Variants in CPA6 observed in about 807,000 individuals in gnomAD.
CPA6 encodes the protein carboxypeptidase B.
CPA6 carries 58 observed loss-of-function variants against 63.3 expected under a neutral mutation model. The ratio of observed to expected loss-of-function variants is 0.92; its 90% CI spans 0.74 to 1.14. The LOEUF is 1.14. Ranked by LOEUF, CPA6 falls within the 50% of genes most tolerant of loss-of-function variation. The pLI, the probability that CPA6 is intolerant of heterozygous loss-of-function variation, is 0.00. For synonymous variants in CPA6, 185 were observed against 179.0 expected (o/e 1.03, Z -0.27); for missense variants, 565 against 526.6 (o/e 1.07, Z -0.71).
intron 8 of CPA6, among the ~76,000 whole-genome samples, chr8:67,472,551 G>A (rs551375055): frequency 4.6e-5 from 7 of 151,786 alleles, no homozygotes; most frequent in African/African-American, 7.2e-5. Flanking sequence ...TCAGCCTTCC[G>A]AGTAGCTGGG....
chr8:67,533,532 C>T (rs940071128), intron 2 of CPA6, among the ~76,000 whole-genome samples: 1 of 152,192 alleles, frequency 6.6e-6, no homozygotes, highest in Non-Finnish European at 1.5e-5. Flanking sequence ...ATCAGCTGTC[C>T]TATCATCTCC....
At chr8:67,697,644 A>G (rs1194495007) in intron 1 of CPA6, among the ~76,000 whole-genome samples, 3 of 152,218 alleles carry the variant, frequency 2.0e-5, no homozygotes, top group Non-Finnish European at 4.4e-5. Context: ...AGAGAGAATG[A>G]GATTGCCTTG....
intron 8 of CPA6, chr8:67,483,202 C>G (rs1030813246): frequency 1.3e-5 from 2 of 152,524 alleles, no homozygotes; most frequent in African/African-American, 4.8e-5. Context: ...CCTGACACTT[C>G]CCTCCTTCTT....
intron 1 of CPA6, among the ~76,000 whole-genome samples, chr8:67,721,946 G>T (rs1005908573): frequency 1.3e-5 from 2 of 152,156 alleles, no homozygotes; most frequent in African/African-American, 4.8e-5. Context: ...CCGAGTTTCG[G>T]CCAGTCAATG....
chr8:67,583,714 C>G (rs1289234096), intron 2 of CPA6, among the ~76,000 whole-genome samples: 1 of 152,086 alleles, frequency 6.6e-6, no homozygotes, highest in Non-Finnish European at 1.5e-5. Flanking sequence ...GGCGAAGATG[C>G]TAGCGATTGT....
intron 6 of CPA6, among the ~76,000 whole-genome samples, chr8:67,501,582 G>A (rs1039519033): frequency 6.6e-6 from 1 of 152,036 alleles, no homozygotes; most frequent in Non-Finnish European, 1.5e-5. Context: ...ATTAAACTGG[G>A]ATTGCATCCC....
chr8:67,552,774 C>CAAAAAAAAAAAAAAAA (rs762395117), intron 2 of CPA6, among the ~76,000 whole-genome samples: 66 of 20,906 alleles, frequency 3.2e-3, no homozygotes, highest in East Asian at 4.7e-3. Flanking sequence ...AAGACTGTCT[C>CAAAAAAAAAAAAAAAA]AAAAAAAAAA....
chr8:67,724,605 C>CCACACAA (rs1171850455), intron 1 of CPA6, among the ~76,000 whole-genome samples: 1 of 152,222 alleles, frequency 6.6e-6, no homozygotes, highest in Non-Finnish European at 1.5e-5. Flanking sequence ...AAAGCAACTA[C>CCACACAA]TTGCATACCA....
At chr8:67,448,639 G>GAAAAAAAAAAAAAAAA (rs61317091) in intron 8 of CPA6, among the ~76,000 whole-genome samples, 1,010 of 21,906 alleles carry the variant, frequency 0.046, 12 homozygotes, top group East Asian at 0.071. Context: ...CTCAAAAAAG[G>GAAAAAAAAAAAAAAAA]AAAAAAAAAA....
chr8:67,673,667 C>T (rs1816404541), intron 1 of CPA6, among the ~76,000 whole-genome samples: 2 of 151,878 alleles, frequency 1.3e-5, no homozygotes, highest in Admixed American at 1.3e-4. Context: ...GCTGGGATTA[C>T]AGGTGTGAGC....
intron 2 of CPA6, among the ~76,000 whole-genome samples, chr8:67,576,081 A>G (rs542631198): frequency 1.3e-5 from 2 of 152,280 alleles, no homozygotes; most frequent in East Asian, 3.9e-4. Flanking sequence ...GTTGCATAGT[A>G]GGAATAAGTT....
intron 2 of CPA6, among the ~76,000 whole-genome samples, chr8:67,574,014 T>C (rs1813558647): frequency 6.6e-6 from 1 of 150,866 alleles, no homozygotes; most frequent in Non-Finnish European, 1.5e-5. Flanking sequence ...AGATCTATAC[T>C]ACCCAAAGTG....
chr8:67,730,622 G>A (rs1023998002), intron 1 of CPA6, among the ~76,000 whole-genome samples: 5 of 152,140 alleles, frequency 3.3e-5, no homozygotes, highest in African/African-American at 1.2e-4. Flanking sequence ...GCTCCCATCC[G>A]AAGGCTATCC....
intron 1 of CPA6, among the ~76,000 whole-genome samples, chr8:67,701,781 G>C (rs964234635): frequency 1.3e-5 from 2 of 152,168 alleles, no homozygotes; most frequent in Non-Finnish European, 2.9e-5. Context: ...AACAAGAGAA[G>C]CCTCATTTAT....
intron 2 of CPA6, among the ~76,000 whole-genome samples, chr8:67,552,507 C>T (rs917947310): frequency 4.7e-4 from 72 of 152,112 alleles, no homozygotes; most frequent in African/African-American, 1.7e-3. Flanking sequence ...GGCACGGTGG[C>T]TCATGCCTGT....
intron 2 of CPA6, among the ~76,000 whole-genome samples, chr8:67,586,643 G>C (rs549246747): frequency 1.3e-5 from 2 of 152,128 alleles, no homozygotes; most frequent in Non-Finnish European, 2.9e-5. Flanking sequence ...GGCTGTAAAT[G>C]TTATGATTAA....
intron 1 of CPA6, among the ~76,000 whole-genome samples, chr8:67,649,296 A>G (rs767015730): frequency 2.9e-4 from 44 of 152,350 alleles, no homozygotes; most frequent in Non-Finnish European, 4.9e-4. Context: ...ATAATTAGGC[A>G]TATCCAAATT....
chr8:67,720,500 CAG>C (rs1225299290), intron 1 of CPA6, among the ~76,000 whole-genome samples: 1 of 151,826 alleles, frequency 6.6e-6, no homozygotes, highest in Non-Finnish European at 1.5e-5. Context: ...GTCTCTGAGA[CAG>C]AGAACTCAGC....
intron 2 of CPA6, among the ~76,000 whole-genome samples, chr8:67,592,134 A>G (rs1814145280): frequency 6.6e-6 from 1 of 152,292 alleles, no homozygotes; most frequent in African/African-American, 2.4e-5. Context: ...TTCTGCATCT[A>G]TTGAGATAAT....
Sources: gnomAD v4.1 joint callset for allele counts (sites outside exome capture counted in the v4.1 genomes callset) on GRCh38, gnomAD v4.1.1 for gene constraint, MANE v1.5 for transcripts, NCBI Gene and HGNC (gene_info 2026-07-23, HGNC 2026-07-21) for gene names.